WWC1: variants seen among roughly 807,000 people sequenced by gnomAD.
The protein encoded by WWC1 is WW and C2 domain containing 1.
WWC1 carries 55 observed loss-of-function variants against 138.4 expected under a neutral mutation model. The ratio of observed to expected loss-of-function variants is 0.40; its 90% CI spans 0.32 to 0.50. The LOEUF (loss-of-function observed/expected upper bound fraction) is 0.50. Among genes scored for constraint, WWC1 ranks in the 20% least tolerant of loss-of-function variants. The pLI, the probability that WWC1 is intolerant of heterozygous loss-of-function variation, is 0.72. For missense variants in WWC1, 1,226 were observed against 1,420.4 expected (o/e 0.86, Z 2.20); for synonymous variants, 524 against 564.9 (o/e 0.93, Z 1.03).
chr5:168,460,625 A>C, intron 19 of WWC1, 25 bp from the exon 20 acceptor site: 1 of 1,612,268 alleles, frequency 6.2e-7, no homozygotes, highest in Non-Finnish European at 8.5e-7. Context: ...ACCATGTTTA[A>C]GATTCCATGA....
Position 168,385,320 on chromosome 5 carries a change from C to T in WWC1, c.339C>T (p.Ile113=), listed in dbSNP as rs1777961747. 6.2e-7 allele frequency: 1 copy of T among 1,614,006 alleles called. No homozygotes were observed. The highest frequency in any genetic ancestry group is 1.1e-5 in the South Asian group (1 of 91,080). ...AQEALSAQKE[I]YQVKQQRLEL... Reference sequence around the variant, plus strand: ...AGGCTCTGAGTGCACAAAAGGAGATCTACCAGGTGAAGCAGCAGCGCCTGG... The same window carrying T: ...AGGCTCTGAGTGCACAAAAGGAGATTTACCAGGTGAAGCAGCAGCGCCTGG... The change falls in exon 3 of 23, where the codon ATC becomes ATT. Residue 113 remains isoleucine (I), a synonymous_variant. Coordinates refer to ENST00000265293, the MANE Select transcript of WWC1 (RefSeq NM_015238.3).
Position 168,431,482 on chromosome 5 carries a change from CTGGCT to C in WWC1, c.2280+39_2280+43del, listed in dbSNP as rs759709283. ...TCTGGCTGGCTGGCTGGCTGGCTGG[CTGGCT>C]GGCTGGCTGGCTGGCTGACCGGCCT... is the stretch of plus-strand genomic sequence containing the variant. On this transcript the variant is annotated intron_variant, in intron 15 of 22. Transcript: ENST00000265293. 725 of 1,544,628 alleles carry C rather than the reference CTGGCT, an allele frequency of 4.7e-4. 4 individuals are homozygous for C. In the African/African-American group the frequency reaches 8.3e-3, roughly 18 times the overall value.
chr5:168,456,696 C>A (rs80075926), intron 19 of WWC1, among the ~76,000 whole-genome samples: 1,521 of 73,420 alleles, frequency 0.021, 20 homozygotes, highest in African/African-American at 0.1. Context: ...AATGCTCCGC[C>A]AATTTTTTTT....
chr5:168,325,108 A>G (rs1053721921), intron 1 of WWC1, among the ~76,000 whole-genome samples: 2 of 152,234 alleles, frequency 1.3e-5, no homozygotes, highest in Non-Finnish European at 2.9e-5. Flanking sequence ...AGTGGGCAGA[A>G]GCAAGCTAAC....
At chr5:168,351,140 G>A (rs1285630658) in intron 1 of WWC1, among the ~76,000 whole-genome samples, 1 of 144,452 alleles carries the variant, frequency 6.9e-6, no homozygotes, top group Non-Finnish European at 1.5e-5. Context: ...GTGAGACCTT[G>A]TCTCAAAAAA....
At chr5:168,324,092 T>G (rs1772339788) in intron 1 of WWC1, among the ~76,000 whole-genome samples, 1 of 152,204 alleles carries the variant, frequency 6.6e-6, no homozygotes, top group Admixed American at 6.5e-5. Flanking sequence ...TAAAATAAAT[T>G]GCTTAGAGAA....
chr5:168,293,018 G>C (rs578074956), intron 1 of WWC1, among the ~76,000 whole-genome samples: 203 of 152,298 alleles, frequency 1.3e-3, no homozygotes, highest in Non-Finnish European at 2.4e-3. Flanking sequence ...TTTCTTCCCT[G>C]ATCGGGGAAG....
Position 168,428,744 on chromosome 5 carries a change from G to C in WWC1, c.1957G>C (p.Glu653Gln), listed in dbSNP as rs1485586551. The change falls in exon 13 of 23, where the codon GAA (glutamate) becomes CAA (glutamine). Residue 653 changes from glutamate (E) to glutamine (Q), a missense_variant. Transcript: ENST00000265293. Reference sequence around the variant, plus strand: ...AGAAGCTGCTGCATTTGACAGTGACGAATCGGAAGCAGTGGGTGCGACCCG... The same window carrying C: ...AGAAGCTGCTGCATTTGACAGTGACCAATCGGAAGCAGTGGGTGCGACCCG... ...ASEAAAFDSD[E>Q]SEAVGATRIQ... 8 of 1,613,842 alleles carry C rather than the reference G, an allele frequency of 5.0e-6. No individual in the cohort carries two copies. The highest frequency in any genetic ancestry group is 6.8e-6 in the Non-Finnish European group (8 of 1,179,946).
chr5:168,433,355 G>T (rs1782096477), intron 15 of WWC1, among the ~76,000 whole-genome samples: 1 of 152,228 alleles, frequency 6.6e-6, no homozygotes, highest in South Asian at 2.1e-4. Context: ...ACTTTGGGTA[G>T]CAAGAATGTA....
At chr5:168,375,771 C>A (rs1018016442) in intron 2 of WWC1, among the ~76,000 whole-genome samples, 2 of 152,014 alleles carry the variant, frequency 1.3e-5, no homozygotes, top group African/African-American at 4.8e-5. Context: ...GACAGGGTTT[C>A]ACCTTGTTGG....
chr5:168,348,182 T>G (rs1216016606), intron 1 of WWC1, among the ~76,000 whole-genome samples: 1 of 152,046 alleles, frequency 6.6e-6, no homozygotes, highest in African/African-American at 2.4e-5. Context: ...CCAAGAGAAG[T>G]GATGTGCACC....
intron 3 of WWC1, among the ~76,000 whole-genome samples, chr5:168,394,162 ATAAG>A (rs2152827162): frequency 6.6e-6 from 1 of 152,304 alleles, no homozygotes; most frequent in African/African-American, 2.4e-5. Context: ...AGGTAAGTAA[ATAAG>A]TAATGCCGAA....
intron 1 of WWC1, among the ~76,000 whole-genome samples, chr5:168,367,726 T>C (rs570861834): frequency 1.4e-4 from 21 of 152,286 alleles, no homozygotes; most frequent in African/African-American, 4.6e-4. Flanking sequence ...GCATGTTTTC[T>C]TATTTGCAAA....
chr5:168,343,778 T>C (rs893916294), intron 1 of WWC1, among the ~76,000 whole-genome samples: 5 of 148,546 alleles, frequency 3.4e-5, no homozygotes, highest in African/African-American at 1.3e-4. Flanking sequence ...GCTGAGATCA[T>C]GCCACTGCAG....
chr5:168,369,727 T>G (rs1776590020), intron 1 of WWC1, among the ~76,000 whole-genome samples: 1 of 152,150 alleles, frequency 6.6e-6, no homozygotes, highest in Non-Finnish European at 1.5e-5. Flanking sequence ...GGGTATATAG[T>G]GGTACGTGAA....
At chr5:168,410,710 G>T (rs1780159361) in intron 8 of WWC1, among the ~76,000 whole-genome samples, 1 of 151,416 alleles carries the variant, frequency 6.6e-6, no homozygotes, top group East Asian at 2.0e-4. Flanking sequence ...GGCTGAGATT[G>T]TTTATTGTAC....
At chr5:168,311,719 T>C (rs1771101987) in intron 1 of WWC1, among the ~76,000 whole-genome samples, 1 of 151,976 alleles carries the variant, frequency 6.6e-6, no homozygotes, top group African/African-American at 2.4e-5. Context: ...AAAAATGATA[T>C]ACAAAAAATT....
intron 1 of WWC1, among the ~76,000 whole-genome samples, chr5:168,315,772 A>G (rs1403913878): frequency 6.6e-6 from 1 of 152,158 alleles, no homozygotes; most frequent in African/African-American, 2.4e-5. Flanking sequence ...CTTCCCGTTA[A>G]GAAGCTGTCA....
chr5:168,409,364 G>A lies in WWC1; in HGVS notation c.868-558G>A, dbSNP rs139829290. ...TTGTAGCTTCTTGCTGCTCTTAACA[G>A]ACTAGCACAGAAAAAGAGGCTGTCC... On this transcript the variant is annotated intron_variant, in intron 7 of 22. Transcript: ENST00000265293. Among the ~76,000 whole-genome samples the A allele has an allele frequency of 3.7e-3, 563 of 152,294 alleles. 2 individuals carry two copies. The highest frequency in any genetic ancestry group is 0.013 in the African/African-American group (541 of 41,572).
Sources: gnomAD v4.1 joint callset for allele counts (sites outside exome capture counted in the v4.1 genomes callset) on GRCh38, gnomAD v4.1.1 for gene constraint, MANE v1.5 for transcripts, NCBI Gene and HGNC (gene_info 2026-07-23, HGNC 2026-07-21) for gene names.